Variants in DEAF1 observed in about 807,000 individuals in gnomAD.
DEAF1 encodes deformed epidermal autoregulatory factor 1 homolog.
DEAF1 carries 53 observed loss-of-function variants against 58.9 expected under a neutral mutation model. That is an observed-to-expected ratio of 0.90 (90% CI 0.72 to 1.13). The LOEUF (loss-of-function observed/expected upper bound fraction) is 1.13, where lower values mean the gene tolerates loss of function less well. Among genes scored for constraint, DEAF1 ranks in the 50% most tolerant of loss-of-function variants. The pLI is 0.00. For synonymous variants in DEAF1, 385 were observed against 340.4 expected (o/e 1.13, Z -1.44); for missense variants, 685 against 791.4 (o/e 0.87, Z 1.61).
At chr11:678,435 A>T in intron 9 of DEAF1, 1 of 431,516 alleles carries the variant, frequency 2.3e-6, no homozygotes. Flanking sequence ...TTCACAGGCC[A>T]ACTGGTTTCT....
intron 2 of DEAF1, among the ~76,000 whole-genome samples, chr11:689,156 C>A (rs1160449309): frequency 6.6e-6 from 1 of 151,944 alleles, no homozygotes; most frequent in Non-Finnish European, 1.5e-5. Flanking sequence ...GAATACAAAA[C>A]CAACCGAGGC....
chr11:679,229 G>A (rs892588527), intron 8 of DEAF1, among the ~76,000 whole-genome samples: 3 of 151,820 alleles, frequency 2.0e-5, no homozygotes, highest in South Asian at 4.1e-4. Flanking sequence ...GCAGGAGAAC[G>A]GTGTGAACCC....
chr11:674,427 G>A, intron 10 of DEAF1, 109 bp downstream of exon 10: 1 of 1,465,748 alleles, frequency 6.8e-7, no homozygotes, highest in Non-Finnish European at 9.5e-7. Flanking sequence ...AGAAAGGTGG[G>A]GCAGGGGCCT....
intron 11 of DEAF1, among the ~76,000 whole-genome samples, chr11:651,559 T>C (rs1032836674): frequency 8.6e-5 from 13 of 151,688 alleles, no homozygotes; most frequent in African/African-American, 2.9e-4. Context: ...CCAAAATAAA[T>C]GAAGCAAAAA....
intron 10 of DEAF1, among the ~76,000 whole-genome samples, chr11:673,192 A>T (rs899201852): frequency 2.6e-5 from 4 of 152,174 alleles, no homozygotes; most frequent in African/African-American, 7.2e-5. Context: ...TGAAAAAAAA[A>T]TAATGATAAT....
At chr11:666,615 G>C (rs1388563637) in intron 10 of DEAF1, 7 of 152,312 alleles carry the variant, frequency 4.6e-5, no homozygotes, top group Middle Eastern at 3.4e-3. Flanking sequence ...TGAGGCAGGA[G>C]AATCACTTGA....
At chr11:700,927 ACT>A (rs1861426645) in intron 1 of DEAF1, 3 of 590,434 alleles carry the variant, frequency 5.1e-6, no homozygotes, top group Non-Finnish European at 9.1e-6. Context: ...GTTGGGAGAG[ACT>A]CTGTGTTTGG....
chr11:695,395 G>T, upstream of DEAF1: 1 of 421,092 alleles, frequency 2.4e-6, no homozygotes, highest in Non-Finnish European at 4.1e-6. Flanking sequence ...CGAGAGACTC[G>T]GCCCCTGCTC....
intron 4 of DEAF1, among the ~76,000 whole-genome samples, chr11:687,368 C>T (rs115456733): frequency 2.0e-5 from 3 of 152,372 alleles, no homozygotes; most frequent in South Asian, 2.1e-4. Context: ...TCTCCTGTCC[C>T]GTGGGTCACG....
chr11:690,466 C>CGGG (rs1860790354), intron 2 of DEAF1, among the ~76,000 whole-genome samples: 1 of 150,722 alleles, frequency 6.6e-6, no homozygotes. Context: ...GCTTTCAGGC[C>CGGG]GGGTGTGGTG....
In DEAF1 at chr11:687,193, C is replaced by T. The variant is rs141217612; in HGVS notation, c.665-196G>A. ...TGCAGCCTGTGCCTCTGACCCCCTA[C>T]GTGATCTCTCCACCCGCTGTCCACA... On this transcript the variant is annotated intron_variant, in intron 4 of 11. Coordinates refer to ENST00000382409, the MANE Select transcript of DEAF1 (RefSeq NM_021008.4). 1.2e-3 allele frequency among the ~76,000 whole-genome samples: 176 copies of T among 152,360 alleles called. 1 individual carries two copies. The highest frequency in any genetic ancestry group is 4.0e-3 in the African/African-American group (166 of 41,588).
chr11:661,999 T>G (rs1481520781), intron 10 of DEAF1, among the ~76,000 whole-genome samples: 1 of 152,082 alleles, frequency 6.6e-6, no homozygotes, highest in South Asian at 2.1e-4. Context: ...TTCGTAAACT[T>G]TCTTAAAACA....
At position 688,494 on chromosome 11, in the gene DEAF1, C is replaced by T. The variant is rs531489453; in HGVS notation, c.388-34G>A. On this transcript the variant is annotated intron_variant, in intron 2 of 11. Coordinates refer to ENST00000382409, the MANE Select transcript of DEAF1 (RefSeq NM_021008.4). The surrounding 1 kb of genome is among the most constrained non-coding windows in gnomAD (Gnocchi z 4.3). Reference sequence around the variant, plus strand: ...AAAAACCGCTCCGTCAGGTCACGTCCGAGAGTGACACCAGGCGTGTCACTG... The same window carrying T: ...AAAAACCGCTCCGTCAGGTCACGTCTGAGAGTGACACCAGGCGTGTCACTG... 4.3e-6 allele frequency: 7 copies of T among 1,612,560 alleles called. No homozygotes were observed. The highest frequency in any genetic ancestry group is 4.5e-5 in the East Asian group (2 of 44,872).
Position 695,179 on chromosome 11 carries a change from G to T in DEAF1, c.-132C>A. On this transcript the variant is annotated 5_prime_UTR_variant, in exon 1 of 12. Coordinates refer to ENST00000382409, the MANE Select transcript of DEAF1 (RefSeq NM_021008.4). ...CGCCCGAAGCCGCCGCCCGAATAGG[G>T]ACCGAAAAGGCAGCCAGCCGCCGAG... The T allele has an allele frequency of 1.2e-6, 1 of 828,664 alleles. No homozygotes were observed. The highest frequency in any genetic ancestry group is 1.7e-6 in the Non-Finnish European group (1 of 603,798). The allele number at this position is 828,664 out of a possible 1,614,324, so 51.3% of individuals were successfully genotyped here.
intron 1 of DEAF1, chr11:703,321 C>G: frequency 7.1e-7 from 1 of 1,413,266 alleles, no homozygotes; most frequent in Non-Finnish European, 9.2e-7. Flanking sequence ...GGAGCCAGGG[C>G]AGAACAAACT....
At chr11:705,741 C>T (rs894606926) in intron 1 of DEAF1, among the ~76,000 whole-genome samples, 1 of 152,314 alleles carries the variant, frequency 6.6e-6, no homozygotes, top group South Asian at 2.1e-4. Context: ...GAGGGGTGCA[C>T]CTGGCCCGGC....
chr11:663,712 T>C (rs1859411791), intron 10 of DEAF1, among the ~76,000 whole-genome samples: 1 of 149,266 alleles, frequency 6.7e-6, no homozygotes, highest in Non-Finnish European at 1.5e-5. Flanking sequence ...TATCAGGCTT[T>C]TGACCCTTCC....
At chr11:648,977 G>A (rs761508421) in intron 11 of DEAF1, among the ~76,000 whole-genome samples, 17 of 152,270 alleles carry the variant, frequency 1.1e-4, no homozygotes, top group Non-Finnish European at 2.1e-4. Context: ...TAGGTTTTGC[G>A]CAGTGGCTCA....
intron 1 of DEAF1, among the ~76,000 whole-genome samples, chr11:705,922 C>G (rs547480478): frequency 6.6e-6 from 1 of 152,330 alleles, no homozygotes; most frequent in South Asian, 2.1e-4. Context: ...GGCGGCCCTG[C>G]GCCCCGCCTG....
Sources: gnomAD v4.1 joint callset for allele counts (sites outside exome capture counted in the v4.1 genomes callset) on GRCh38, gnomAD v4.1.1 for gene constraint, Gnocchi (gnomAD v3.1) non-coding constraint, MANE v1.5 for transcripts, NCBI Gene and HGNC (gene_info 2026-07-23, HGNC 2026-07-21) for gene names.